COBLL1: variants seen among roughly 807,000 people sequenced by gnomAD.
COBLL1 encodes cordon-bleu WH2 repeat protein like 1.
Under a neutral mutation model 94.8 loss-of-function variants are expected in COBLL1, and 50 were observed. That is an observed-to-expected ratio of 0.53 (90% confidence interval 0.42 to 0.67). The LOEUF (loss-of-function observed/expected upper bound fraction) is 0.67, where lower values mean the gene tolerates loss of function less well. Ranked by LOEUF, COBLL1 falls within the 30% of genes least tolerant of loss-of-function variation. The pLI is 0.00. For synonymous variants in COBLL1, 448 were observed against 473.8 expected (o/e 0.95, Z 0.71); for missense variants, 1,362 against 1,348.7 (o/e 1.01, Z -0.15).
At chr2:164,731,277 A>G (rs1357272767) in intron 3 of COBLL1, among the ~76,000 whole-genome samples, 1 of 152,212 alleles carries the variant, frequency 6.6e-6, no homozygotes, top group Non-Finnish European at 1.5e-5. Flanking sequence ...GAAATAAAGT[A>G]AATGCATGAG....
At chr2:164,708,361 T>C (rs13031132) in intron 7 of COBLL1, among the ~76,000 whole-genome samples, 12,584 of 152,134 alleles carry the variant, frequency 0.083, 558 homozygotes, top group African/African-American at 0.1. Context: ...GGGGTAGGCA[T>C]GGGGGTGGAT....
In COBLL1 at chr2:164,740,681, A is replaced by G. The variant is rs139136835; in HGVS notation, c.230+3006T>C. Among the ~76,000 whole-genome samples the G allele has an allele frequency of 7.7e-4, 118 of 152,334 alleles. 1 individual carries two copies. The East Asian group carries it at 0.021, about 27-fold the overall frequency. On this transcript the variant is annotated intron_variant, in intron 3 of 13. Transcript: ENST00000652658. ...TATAAAGAAAAGTAATGATATTCTC[A>G]TGGCTCTGTGGTTTCTTCAAAAGGT...
intron 3 of COBLL1, among the ~76,000 whole-genome samples, chr2:164,739,407 G>C (rs1261496999): frequency 3.3e-5 from 5 of 152,124 alleles, no homozygotes; most frequent in Non-Finnish European, 5.9e-5. Context: ...TGAGATCTAT[G>C]GGGGGACTTT....
chr2:164,723,780 T>TTATA (rs992704691), intron 5 of COBLL1: 59 of 151,630 alleles, frequency 3.9e-4, no homozygotes, highest in African/African-American at 1.3e-3. Flanking sequence ...TTTTCTTTTC[T>TTATA]TATTTATTTA....
At chr2:164,832,669 C>T (rs1219220960) in intron 2 of COBLL1, among the ~76,000 whole-genome samples, 1 of 152,112 alleles carries the variant, frequency 6.6e-6, no homozygotes. Context: ...CAAAAGAAAA[C>T]CTCTGTCCTA....
chr2:164,778,810 C>G (rs1373934666), intron 2 of COBLL1, among the ~76,000 whole-genome samples: 1 of 152,048 alleles, frequency 6.6e-6, no homozygotes, highest in Non-Finnish European at 1.5e-5. Flanking sequence ...GACCTGGTAG[C>G]ACTGGGAAGA....
At chr2:164,667,144 G>C (rs1440377583) in intron 1 of COBLL1, among the ~76,000 whole-genome samples, 3 of 151,906 alleles carry the variant, frequency 2.0e-5, no homozygotes, top group Admixed American at 1.3e-4. Flanking sequence ...CAGAGGTCCT[G>C]GGTGACTAGG....
intron 2 of COBLL1, among the ~76,000 whole-genome samples, chr2:164,812,261 T>C (rs1684496110): frequency 6.6e-6 from 1 of 151,928 alleles, no homozygotes; most frequent in Admixed American, 6.6e-5. Context: ...AAAATCATGA[T>C]GTATATAGGA....
chr2:164,672,074 G>A (rs1691251052), intron 1 of COBLL1, among the ~76,000 whole-genome samples: 1 of 152,200 alleles, frequency 6.6e-6, no homozygotes, highest in Non-Finnish European at 1.5e-5. Flanking sequence ...AAAGTACCCT[G>A]TGACAAATAT....
At position 164,695,368 on chromosome 2, in the gene COBLL1, T is replaced by A. The variant is rs779139359; in HGVS notation, c.2024A>T (p.Asp675Val). Reference sequence around the variant, plus strand: ...ATCATTACCATGTGCACAAATTGGATCTTTTACGGTAAGCGGATCTTCTGA... The same window carrying A: ...ATCATTACCATGTGCACAAATTGGAACTTTTACGGTAAGCGGATCTTCTGA... ...IHSEDPLTVK[D>V]PICAHGNDDL... Residue 675 changes from aspartate to valine, a missense_variant, in exon 12 of 14, where the codon GAT (aspartate) becomes GTT (valine). Asp to Val is a radical substitution (Grantham distance 152). Transcript: ENST00000652658. 4.3e-6 allele frequency: 7 copies of A among 1,613,850 alleles called. No individual in the cohort carries two copies. The highest frequency in any genetic ancestry group is 5.9e-6 in the Non-Finnish European group (7 of 1,179,954).
chr2:164,730,756 CA>C (rs138516948), intron 3 of COBLL1, among the ~76,000 whole-genome samples: 2,250 of 152,226 alleles, frequency 0.015, 48 homozygotes, highest in African/African-American at 0.051. Context: ...TGTAATATAA[CA>C]TTGGCAGTCT....
Position 164,734,162 on chromosome 2 carries a change from GA to G in COBLL1, c.231-4048del, listed in dbSNP as rs934033836. 1.5e-4 allele frequency among the ~76,000 whole-genome samples: 21 copies of G among 141,000 alleles called. No individual in the cohort carries two copies. In the Middle Eastern group the frequency reaches 0.014, roughly 97 times the overall value. The allele number at this position is 141,000 out of a possible 152,430, so 92.5% of individuals were successfully genotyped here. ...TTATGAAACTGATCTAGAGAGAAGA[GA>G]AAAAAGAAACAAGTAAAATATATAA... On this transcript the variant is annotated intron_variant, in intron 3 of 13. Transcript: ENST00000652658.
chr2:164,711,043 C>T (rs556206368), intron 7 of COBLL1, among the ~76,000 whole-genome samples: 1 of 152,260 alleles, frequency 6.6e-6, no homozygotes, highest in Non-Finnish European at 1.5e-5. Flanking sequence ...CGACCCACTA[C>T]AATGATTCCC....
chr2:164,729,933 G>T lies in COBLL1; in HGVS notation c.413C>A (p.Pro138His), dbSNP rs369073424. The T allele has an allele frequency of 1.9e-6, 3 of 1,613,250 alleles. No individual in the cohort carries two copies. The highest frequency in any genetic ancestry group is 1.3e-5 in the African/African-American group (1 of 74,900). Residue 138 changes from proline (P) to histidine (H), a missense_variant, in exon 4 of 14, where the codon CCT becomes CAT. By Grantham distance (77) the Pro-to-His change is moderately conservative. Transcript: ENST00000652658. ...TCTTACCTCTGGTATTATAGGTGTA[G>T]GTTTTTTCTTATCCAACATTTTTGG... The part of the protein sequence containing the change: ...LKPKMLDKKK[P>H]TPIIPEKTVR...
chr2:164,687,851 C>A, intron 13 of COBLL1: 1 of 274,562 alleles, frequency 3.6e-6, no homozygotes. Flanking sequence ...GTAATCCTTG[C>A]CAAAATTGCA....
At chr2:164,770,961 AAAAAT>A (rs2105249079) in intron 2 of COBLL1, among the ~76,000 whole-genome samples, 1 of 152,254 alleles carries the variant, frequency 6.6e-6, no homozygotes, top group African/African-American at 2.4e-5. Flanking sequence ...ATCCTAAAAT[AAAAAT>A]AAGATATTTT....
intron 2 of COBLL1, among the ~76,000 whole-genome samples, chr2:164,813,988 ATCCT>A (rs1170914991): frequency 6.6e-6 from 1 of 152,194 alleles, no homozygotes; most frequent in Non-Finnish European, 1.5e-5. Context: ...AAAACGGCAC[ATCCT>A]TCATTCAGAC....
intron 1 of COBLL1, among the ~76,000 whole-genome samples, chr2:164,670,903 T>C (rs771622229): frequency 9.2e-5 from 14 of 152,232 alleles, no homozygotes; most frequent in Non-Finnish European, 1.9e-4. Context: ...TCATGGTCAA[T>C]TGACATTTAT....
At chr2:164,842,019 A>T (rs1382483041), upstream of COBLL1, 1 of 1,539,148 alleles carries the variant, frequency 6.5e-7, no homozygotes, top group Non-Finnish European at 8.7e-7. Flanking sequence ...ACGGCCGCAC[A>T]TAAGTGGGGA....
Sources: gnomAD v4.1 joint callset for allele counts (sites outside exome capture counted in the v4.1 genomes callset) on GRCh38, gnomAD v4.1.1 for gene constraint, MANE v1.5 for transcripts, NCBI Gene and HGNC (gene_info 2026-07-23, HGNC 2026-07-21) for gene names.